Variants in KANK1 observed in about 807,000 individuals in gnomAD.
The protein encoded by KANK1 is KN motif and ankyrin repeat domains 1.
KANK1 carries 109 observed loss-of-function variants against 106.2 expected under a neutral mutation model. That is an observed-to-expected ratio of 1.03 (90% CI 0.88 to 1.20). The LOEUF (loss-of-function observed/expected upper bound fraction) is 1.20, where lower values mean the gene tolerates loss of function less well. Ranked by LOEUF, KANK1 falls within the 50% of genes most tolerant of loss-of-function variation. KANK1 has a pLI of 0.00. For synonymous variants in KANK1, 873 were observed against 652.2 expected, an observed-to-expected ratio of 1.34 and a Z score of -5.16; for missense variants, 2,399 against 1,710.7, an observed-to-expected ratio of 1.40 and a Z score of -7.10.
chr9:544,822 G>A (rs1464056692), intron 1 of KANK1, among the ~76,000 whole-genome samples: 3 of 151,354 alleles, frequency 2.0e-5, no homozygotes, highest in Non-Finnish European at 2.9e-5. Flanking sequence ...GGGTGGGGGT[G>A]GGAGGGTAGG....
chr9:655,132 G>C (rs1302239189), intron 1 of KANK1, among the ~76,000 whole-genome samples: 2 of 152,140 alleles, frequency 1.3e-5, no homozygotes, highest in African/African-American at 4.8e-5. Context: ...CACTCTAGGA[G>C]GCCAAGGCGA....
rs1389302015 is a variant in KANK1, at chr9:624,408, CAAAT to C, written c.-83-52479_-83-52476del. ...ATCAATATGCAATCTATATTTATAT[CAAAT>C]AATCACATTGTATACTTTGAATACG... On this transcript the variant is annotated intron_variant, in intron 1 of 11. Coordinates refer to ENST00000382297, the MANE Select transcript of KANK1 (RefSeq NM_015158.5). Among the ~76,000 whole-genome samples, 11 of 152,194 alleles carry C rather than the reference CAAAT, an allele frequency of 7.2e-5. No homozygotes were observed. The East Asian group carries it at 1.5e-3, about 21-fold the overall frequency.
intron 1 of KANK1, among the ~76,000 whole-genome samples, chr9:505,635 G>A (rs899944272): frequency 6.6e-6 from 1 of 152,266 alleles, no homozygotes; most frequent in Non-Finnish European, 1.5e-5. Flanking sequence ...CGTGCTGCAC[G>A]AGCGTGACCT....
chr9:525,519 G>T (rs1234121245), intron 1 of KANK1, among the ~76,000 whole-genome samples: 4 of 151,206 alleles, frequency 2.6e-5, no homozygotes, highest in Non-Finnish European at 5.9e-5. Flanking sequence ...AGCTGGGATT[G>T]CTGGGATGCG....
rs189542731 is a variant in KANK1, at chr9:588,365, G to T, written c.-84+83611G>T. On this transcript the variant is annotated intron_variant, in intron 1 of 11. Coordinates refer to ENST00000382297, the MANE Select transcript of KANK1 (RefSeq NM_015158.5). Reference sequence around the variant, plus strand: ...AGAAATAACATTGCAGTGAACATCTGTCATGCACATCTATGATTATTTCCT... The same window carrying T: ...AGAAATAACATTGCAGTGAACATCTTTCATGCACATCTATGATTATTTCCT... Among the ~76,000 whole-genome samples, 181 of 152,232 alleles carry T rather than the reference G, an allele frequency of 1.2e-3. 1 individual carries two copies. The highest frequency in any genetic ancestry group is 4.1e-3 in the African/African-American group (171 of 41,548).
At chr9:592,422 C>T (rs77308595) in intron 1 of KANK1, among the ~76,000 whole-genome samples, 6,373 of 151,774 alleles carry the variant, frequency 0.042, 198 homozygotes, top group Non-Finnish European at 0.054. Flanking sequence ...AATAAATGCC[C>T]GCAGCACTGG....
chr9:495,549 T>C (rs2058445136), intron 3 of KANK1: 1 of 152,126 alleles, frequency 6.6e-6, no homozygotes, highest in African/African-American at 2.4e-5. Flanking sequence ...AAAAAAATCA[T>C]GATTGAAGGC....
chr9:720,263 C>T (rs1021503271), intron 3 of KANK1, among the ~76,000 whole-genome samples: 15 of 152,216 alleles, frequency 9.9e-5, no homozygotes, highest in Non-Finnish European at 1.6e-4. Context: ...CTGTGAAAAC[C>T]GTTGCCACCT....
chr9:618,521 T>C (rs1187151742), intron 1 of KANK1, among the ~76,000 whole-genome samples: 1 of 152,132 alleles, frequency 6.6e-6, no homozygotes, highest in Non-Finnish European at 1.5e-5. Context: ...GATTACATTT[T>C]TAAAATGAAG....
chr9:598,122 AG>A (rs1175322563), intron 1 of KANK1, among the ~76,000 whole-genome samples: 2 of 151,808 alleles, frequency 1.3e-5, no homozygotes, highest in African/African-American at 4.9e-5. Flanking sequence ...CTGAAGAGAC[AG>A]TATTTCCCCA....
chr9:609,045 G>A (rs548206812), intron 1 of KANK1, among the ~76,000 whole-genome samples: 53 of 151,842 alleles, frequency 3.5e-4, no homozygotes, highest in Non-Finnish European at 4.0e-4. Context: ...CTGCAAGATC[G>A]TTGAAAATCT....
chr9:530,591 A>C (rs1017302913), intron 1 of KANK1, among the ~76,000 whole-genome samples: 1 of 152,176 alleles, frequency 6.6e-6, no homozygotes, highest in Admixed American at 6.5e-5. Flanking sequence ...TTTAGTTGTG[A>C]CACTATTCTA....
chr9:693,872 G>T (rs1177797513), intron 2 of KANK1: 1 of 937,392 alleles, frequency 1.1e-6, no homozygotes, highest in African/African-American at 1.8e-5. Flanking sequence ...CGAGCTCTGT[G>T]TGTTGTGAAA....
intron 1 of KANK1, among the ~76,000 whole-genome samples, chr9:637,577 A>G (rs1024991836): frequency 6.6e-6 from 1 of 152,148 alleles, no homozygotes; most frequent in African/African-American, 2.4e-5. Flanking sequence ...GAGAATTTGT[A>G]TTTCTGTTAA....
rs528139488 is a variant in KANK1 at position 486,097 on chromosome 9, C to G, written c.-362+12824C>G. 8.4e-4 allele frequency among the ~76,000 whole-genome samples: 128 copies of G among 152,178 alleles called. 1 individual carries two copies. Among genetic ancestry groups the G allele is most frequent in the African/African-American group, 3.0e-3 (125 of 41,552 alleles). ...TCGCCTGACTCCAAAAATTTTTGAC[C>G]AGACTCTAAAGATTAGAACTGGAAC... On this transcript the variant is annotated intron_variant, in intron 3 of 15. Transcript: ENST00000382303.
At chr9:635,147 A>G (rs2136944905) in intron 1 of KANK1, among the ~76,000 whole-genome samples, 1 of 152,284 alleles carries the variant, frequency 6.6e-6, no homozygotes, top group South Asian at 2.1e-4. Context: ...CCAGGACTAC[A>G]GGGCTTCCTT....
Position 557,438 on chromosome 9 carries a change from T to G in KANK1, c.-84+52684T>G, listed in dbSNP as rs573976785. Among the ~76,000 whole-genome samples the G allele has an allele frequency of 1.6e-4, 24 of 152,268 alleles. No homozygotes were observed. In the East Asian group the frequency reaches 4.3e-3, roughly 27 times the overall value. On this transcript the variant is annotated intron_variant, in intron 1 of 11. Coordinates refer to ENST00000382297, the MANE Select transcript of KANK1 (RefSeq NM_015158.5). ...TTTTCATGATAGAAGGTTTAAAAAT[T>G]TAGAACAAAAATGAATGTGGAGGTT...
chr9:484,610 T>G (rs1436166449), intron 3 of KANK1: 1 of 152,158 alleles, frequency 6.6e-6, no homozygotes, highest in African/African-American at 2.4e-5. Context: ...ACAAACAAGT[T>G]TGAGAGAGAT....
intron 4 of KANK1, 130 bp downstream of exon 4, chr9:730,378 C>A: frequency 1.0e-6 from 1 of 967,006 alleles, no homozygotes; most frequent in Non-Finnish European, 1.6e-6. Flanking sequence ...GGAAGGTAGG[C>A]CCAGAATATC....
Sources: gnomAD v4.1 joint callset for allele counts (sites outside exome capture counted in the v4.1 genomes callset) on GRCh38, gnomAD v4.1.1 for gene constraint, MANE v1.5 for transcripts, NCBI Gene and HGNC (gene_info 2026-07-23, HGNC 2026-07-21) for gene names.